SGK3: variants seen among roughly 807,000 people sequenced by gnomAD.
SGK3 encodes serine/threonine-protein kinase Sgk3.
Under a neutral mutation model 68.5 loss-of-function variants are expected in SGK3, and 47 were observed. The ratio of observed to expected loss-of-function variants is 0.69; its 90% CI spans 0.54 to 0.87. SGK3 has a LOEUF of 0.87. SGK3 is among the 40% of genes least tolerant of loss of function. The pLI is 0.00. For missense variants in SGK3, 479 were observed against 575.5 expected (o/e 0.83, Z 1.72); for synonymous variants, 181 against 189.1 (o/e 0.96, Z 0.35).
At chr8:66,799,223 A>T (rs1417337206) in intron 3 of SGK3, among the ~76,000 whole-genome samples, 1 of 152,224 alleles carries the variant, frequency 6.6e-6, no homozygotes, top group Non-Finnish European at 1.5e-5. Context: ...CATACAGTAC[A>T]TACTTGCTAA....
chr8:66,808,617 G>A (rs1033188717), intron 4 of SGK3, among the ~76,000 whole-genome samples: 26 of 151,184 alleles, frequency 1.7e-4, no homozygotes, highest in Admixed American at 4.6e-4. Flanking sequence ...GAGTTCAGGC[G>A]ATTCTCCTGC....
intron 3 of SGK3, among the ~76,000 whole-genome samples, chr8:66,800,093 G>T (rs1216398710): frequency 1.3e-5 from 2 of 152,108 alleles, no homozygotes; most frequent in African/African-American, 2.4e-5. Context: ...TGTAATCCCA[G>T]CACTTTGGGA....
chr8:66,816,580 G>A (rs6996635), intron 5 of SGK3, among the ~76,000 whole-genome samples: 2,247 of 151,542 alleles, frequency 0.015, 56 homozygotes, highest in African/African-American at 0.051. Flanking sequence ...TCCTGACTTC[G>A]TAATCTGCCT....
intron 2 of SGK3, among the ~76,000 whole-genome samples, chr8:66,794,316 C>T (rs1807585707): frequency 6.6e-6 from 1 of 152,096 alleles, no homozygotes; most frequent in Admixed American, 6.6e-5. Context: ...TACTATAGGG[C>T]TTTATAAAGA....
At chr8:66,735,454 T>C (rs1403075460) in intron 1 of SGK3, among the ~76,000 whole-genome samples, 1 of 152,236 alleles carries the variant, frequency 6.6e-6, no homozygotes, top group Non-Finnish European at 1.5e-5. Flanking sequence ...CTCATGCGCT[T>C]TTAATGGTTA....
chr8:66,850,850 C>CT lies in SGK3; in HGVS notation c.1257dup (p.Glu420Ter), dbSNP rs772717846. On this transcript the variant is annotated frameshift_variant, in exon 16 of 17. Coordinates refer to ENST00000521198, the MANE Select transcript of SGK3 (RefSeq NM_001033578.3). LOFTEE classifies it high-confidence loss of function. ...TTCCAGCTTGAAATTCAGAATCATC[C>CT]TTTTTTTGAATCACTCAGCTGGGCT... is the stretch of plus-strand genomic sequence containing the variant. 2 of 1,607,462 alleles carry CT rather than the reference C, an allele frequency of 1.2e-6. No individual in the cohort carries two copies. Among genetic ancestry groups the CT allele is most frequent in the Non-Finnish European group, 1.7e-6 (2 of 1,176,768 alleles).
At chr8:66,839,952 T>TG (rs1284782420) in intron 10 of SGK3, 51 bp from the exon 11 acceptor site, 2 of 1,508,876 alleles carry the variant, frequency 1.3e-6, no homozygotes, top group East Asian at 4.5e-5. Context: ...ATGCTATGTG[T>TG]GAATGATCCT....
At chr8:66,766,022 CA>C (rs111349387) in intron 1 of SGK3, among the ~76,000 whole-genome samples, 18,669 of 123,808 alleles carry the variant, frequency 0.15, 2,060 homozygotes, top group African/African-American at 0.34. Context: ...AATACTCCGT[CA>C]AAAAAAAAAA....
At chr8:66,804,066 A>G (rs1323734159) in intron 3 of SGK3, among the ~76,000 whole-genome samples, 4 of 152,194 alleles carry the variant, frequency 2.6e-5, no homozygotes, top group Non-Finnish European at 5.9e-5. Context: ...GATCTCCTTT[A>G]AAACTCACAG....
chr8:66,716,729 A>G (rs1199335416), intron 1 of SGK3, among the ~76,000 whole-genome samples: 1 of 152,186 alleles, frequency 6.6e-6, no homozygotes, highest in Non-Finnish European at 1.5e-5. Context: ...GCTTCTCCTA[A>G]CAGGGCCATA....
chr8:66,735,831 T>A lies in SGK3; in HGVS notation c.-122+22998T>A, dbSNP rs559687240. Among the ~76,000 whole-genome samples, 41 of 152,334 alleles carry A rather than the reference T, an allele frequency of 2.7e-4. No individual in the cohort carries two copies. The South Asian group carries it at 7.0e-3, about 26-fold the overall frequency. Reference sequence around the variant, plus strand: ...TTAAATTTTACTTCTCAGGTTTCAATTTAGATGTTTCTTTCTGTGATTAAA... The same window carrying A: ...TTAAATTTTACTTCTCAGGTTTCAAATTAGATGTTTCTTTCTGTGATTAAA... On this transcript the variant is annotated intron_variant, in intron 1 of 16. Coordinates refer to ENST00000521198, the MANE Select transcript of SGK3 (RefSeq NM_001033578.3).
At chr8:66,776,457 C>T (rs1439539758) in intron 1 of SGK3, among the ~76,000 whole-genome samples, 1 of 152,140 alleles carries the variant, frequency 6.6e-6, no homozygotes, top group Non-Finnish European at 1.5e-5. Context: ...CAGAGCACCC[C>T]CAATACATAA....
chr8:66,828,967 GGTGTGTGT>G (rs113679632), intron 7 of SGK3, among the ~76,000 whole-genome samples: 4 of 119,576 alleles, frequency 3.3e-5, no homozygotes, highest in East Asian at 2.3e-4. Flanking sequence ...GTGGGTGGGG[GGTGTGTGT>G]GTGTGTGTGT....
intron 5 of SGK3, among the ~76,000 whole-genome samples, chr8:66,821,905 A>G (rs1808846984): frequency 6.6e-6 from 1 of 151,860 alleles, no homozygotes. Flanking sequence ...CAGTTTTACC[A>G]AGTATTGCCA....
intron 7 of SGK3, among the ~76,000 whole-genome samples, chr8:66,830,786 C>T (rs1367704596): frequency 1.3e-5 from 2 of 152,116 alleles, no homozygotes; most frequent in Non-Finnish European, 2.9e-5. Flanking sequence ...TTATTCTTAG[C>T]GTCTTTACTA....
chr8:66,828,230 C>T (rs1809146273), intron 6 of SGK3, among the ~76,000 whole-genome samples: 1 of 152,196 alleles, frequency 6.6e-6, no homozygotes, highest in African/African-American at 2.4e-5. Context: ...CATTTGCAAT[C>T]ATCATTGTCA....
At chr8:66,756,459 G>GAATAAGGGGAGGA (rs1805976935) in intron 1 of SGK3, among the ~76,000 whole-genome samples, 1 of 151,460 alleles carries the variant, frequency 6.6e-6, no homozygotes, top group Non-Finnish European at 1.5e-5. Flanking sequence ...AGGAGCACAG[G>GAATAAGGGGAGGA]AATAAGGGGA....
rs1243212526 is a variant in SGK3 at position 66,847,250 on chromosome 8, C to A, written c.1132C>A (p.Leu378Ile). 1 of 1,613,878 alleles carries A rather than the reference C, an allele frequency of 6.2e-7. No individual in the cohort carries two copies. Among genetic ancestry groups the A allele is most frequent in the Non-Finnish European group, 8.5e-7 (1 of 1,179,962 alleles). ...EMYDNILHKP[L>I]SLRPGVSLTA... ...GTATGACAATATCCTTCACAAACCC[C>A]TAAGTTTGAGGCCAGGAGTGAGTCT... Residue 378 changes from leucine to isoleucine, a missense_variant, in exon 15 of 17, where the codon CTA (leucine) becomes ATA (isoleucine). Transcript: ENST00000521198.
chr8:66,793,607 T>G lies in SGK3; in HGVS notation c.-121-9T>G. ...TGCTAATCACTTTTTTTTTTTTCTG[T>G]TGGTTAAGGTTGCATGATGGAATTT... On this transcript the variant is annotated splice_polypyrimidine_tract_variant and intron_variant, in intron 1 of 16. Coordinates refer to ENST00000521198, the MANE Select transcript of SGK3 (RefSeq NM_001033578.3). 3 of 737,598 alleles carry G rather than the reference T, an allele frequency of 4.1e-6. No homozygotes were observed. Among genetic ancestry groups the G allele is most frequent in the Non-Finnish European group, 6.2e-6 (3 of 487,242 alleles). 45.7% of individuals were successfully genotyped at this position (737,598 alleles called of 1,614,324 possible).
Sources: gnomAD v4.1 joint callset for allele counts (sites outside exome capture counted in the v4.1 genomes callset) on GRCh38, gnomAD v4.1.1 for gene constraint, MANE v1.5 for transcripts, NCBI Gene and HGNC (gene_info 2026-07-23, HGNC 2026-07-21) for gene names.